GALK2: variants seen among roughly 807,000 people sequenced by gnomAD.
The protein encoded by GALK2 is galactokinase 2.
In GALK2, 36 loss-of-function variants were observed where a neutral mutation model predicts 52.4. That is an observed-to-expected ratio of 0.69 (90% CI 0.53 to 0.91). The LOEUF (loss-of-function observed/expected upper bound fraction) is 0.91, where lower values mean the gene tolerates loss of function less well. Ranked by LOEUF, GALK2 falls within the 40% of genes least tolerant of loss-of-function variation. GALK2 has a pLI of 0.00. For missense variants in GALK2, 579 were observed against 559.1 expected (o/e 1.04, Z -0.36); for synonymous variants, 176 against 199.1 (o/e 0.88, Z 0.98).
intron 3 of GALK2, among the ~76,000 whole-genome samples, chr15:49,341,972 T>C (rs1265338292): frequency 6.6e-6 from 1 of 152,206 alleles, no homozygotes; most frequent in African/African-American, 2.4e-5. Context: ...TATTAGAGCA[T>C]GTTCTGTGTG....
chr15:49,165,318 T>A (rs2084784258), upstream of GALK2, among the ~76,000 whole-genome samples: 1 of 152,332 alleles, frequency 6.6e-6, no homozygotes, highest in South Asian at 2.1e-4. Context: ...AATAACCCTA[T>A]GAAGTAGGTA....
chr15:49,244,601 A>G (rs2091258332), intron 5 of GALK2, among the ~76,000 whole-genome samples: 3 of 152,336 alleles, frequency 2.0e-5, no homozygotes, highest in Admixed American at 6.5e-5. Flanking sequence ...TTCAACATGT[A>G]AAGTGTAAAA....
intron 2 of GALK2, among the ~76,000 whole-genome samples, chr15:49,206,282 A>G (rs185995339): frequency 2.5e-4 from 38 of 151,664 alleles, no homozygotes; most frequent in Non-Finnish European, 2.1e-4. Flanking sequence ...TTTTTAGGGT[A>G]CATGTGCACA....
At chr15:49,166,381 T>C (rs1274517243), upstream of GALK2, among the ~76,000 whole-genome samples, 1 of 152,188 alleles carries the variant, frequency 6.6e-6, no homozygotes, top group Non-Finnish European at 1.5e-5. Context: ...TCTTTTGCCA[T>C]TTAATGATTA....
Position 49,228,687 on chromosome 15 carries a change from A to ATACATATAT in GALK2, c.267-7163_267-7162insACATATATT, listed in dbSNP as rs1555409061. ...TATATATATATATATATATATATAT[A>ATACATATAT]TTTTTTTTTTTTTTTTTTTTTTTTG... On this transcript the variant is annotated intron_variant, in intron 3 of 9. Transcript: ENST00000560031. 9.1e-4 allele frequency among the ~76,000 whole-genome samples: 13 copies of ATACATATAT among 14,274 alleles called. 4 individuals are homozygous for ATACATATAT. Among genetic ancestry groups the ATACATATAT allele is most frequent in the African/African-American group, 3.4e-3 (10 of 2,914 alleles). 9.4% of individuals were successfully genotyped at this position (14,274 alleles called of 152,430 possible). A position where few individuals can be genotyped will look rare whatever the true frequency, so the allele number is the denominator to read the frequency against.
At chr15:49,156,287 A>G (rs951779822) in intron 1 of GALK2, 2 of 472,870 alleles carry the variant, frequency 4.2e-6, no homozygotes, top group African/African-American at 4.0e-5. Context: ...TTTTTAAAAA[A>G]TACATTACTG....
At chr15:49,211,735 G>A (rs2088911523) in intron 2 of GALK2, among the ~76,000 whole-genome samples, 1 of 152,178 alleles carries the variant, frequency 6.6e-6, no homozygotes, top group Non-Finnish European at 1.5e-5. Flanking sequence ...GAGGACGAGA[G>A]GGAGGGGAAG....
At chr15:49,334,226 C>T, downstream of GALK2, 2 of 982,152 alleles carry the variant, frequency 2.0e-6, no homozygotes, top group Non-Finnish European at 2.4e-6. Context: ...ACCTATCAAG[C>T]TCCTTGTCAA....
At chr15:49,315,007 A>C (rs915798135) in intron 8 of GALK2, among the ~76,000 whole-genome samples, 3 of 152,268 alleles carry the variant, frequency 2.0e-5, no homozygotes, top group Non-Finnish European at 2.9e-5. Context: ...AATATAATTT[A>C]TTATACAAGC....
intron 5 of GALK2, among the ~76,000 whole-genome samples, chr15:49,264,303 G>A (rs1323405146): frequency 4.6e-5 from 7 of 151,660 alleles, no homozygotes; most frequent in South Asian, 2.1e-4. Context: ...CTCCCTTCTC[G>A]CTTCATTTCA....
chr15:49,358,021 T>C (rs1290921134), intron 3 of GALK2, among the ~76,000 whole-genome samples: 1 of 151,984 alleles, frequency 6.6e-6, no homozygotes, highest in Non-Finnish European at 1.5e-5. Flanking sequence ...GAAAAAGCCT[T>C]TGACAAAATT....
At chr15:49,312,148 A>C (rs1478884809) in intron 8 of GALK2, among the ~76,000 whole-genome samples, 1 of 152,026 alleles carries the variant, frequency 6.6e-6, no homozygotes, top group African/African-American at 2.4e-5. Context: ...GTGTGCATCT[A>C]TTTTAGCTGT....
chr15:49,322,960 T>TA (rs548865053), intron 9 of GALK2, among the ~76,000 whole-genome samples: 3,673 of 67,884 alleles, frequency 0.054, 100 homozygotes, highest in South Asian at 0.16. Flanking sequence ...CCATCTCAGG[T>TA]AAAAAAAAAA....
chr15:49,198,941 T>A (rs905764345), intron 1 of GALK2: 2 of 149,978 alleles, frequency 1.3e-5, no homozygotes, highest in Admixed American at 6.7e-5. Flanking sequence ...GTGCAGTGGC[T>A]ACTCGCAGGC....
At chr15:49,261,401 T>C (rs2092103010) in intron 5 of GALK2, among the ~76,000 whole-genome samples, 2 of 148,770 alleles carry the variant, frequency 1.3e-5, no homozygotes, top group Admixed American at 1.3e-4. Context: ...TGCTTGTGAT[T>C]TTTGTACATT....
At chr15:49,289,448 A>G (rs186361049) in intron 7 of GALK2, among the ~76,000 whole-genome samples, 2 of 152,366 alleles carry the variant, frequency 1.3e-5, no homozygotes, top group Admixed American at 6.5e-5. Context: ...TTTCTCTACC[A>G]TACCCTCTTA....
rs567820289 is a variant in GALK2 at position 49,325,794 on chromosome 15, G to A, written c.1170-2158G>A. 2.6e-4 allele frequency among the ~76,000 whole-genome samples: 39 copies of A among 152,304 alleles called. No homozygotes were observed. The Middle Eastern group carries it at 0.01, about 40-fold the overall frequency. ...TCCATTTTCATCTGTAGCAGGCAGG[G>A]TGGTGACAGAGCAGCTCTGGAGACT... is the stretch of plus-strand genomic sequence containing the variant. On this transcript the variant is annotated intron_variant, in intron 9 of 9. Transcript: ENST00000560031.
chr15:49,244,428 C>T (rs755255507), intron 5 of GALK2, among the ~76,000 whole-genome samples: 54 of 151,784 alleles, frequency 3.6e-4, no homozygotes, highest in Non-Finnish European at 5.7e-4. Flanking sequence ...GAGAAAAGAA[C>T]GGAAAGAAAT....
chr15:49,257,962 AAAAT>A, intron 5 of GALK2, among the ~76,000 whole-genome samples: 1 of 149,992 alleles, frequency 6.7e-6, no homozygotes, highest in South Asian at 2.1e-4. Flanking sequence ...TAATTATAAT[AAAAT>A]AACATTTTAT....
Sources: allele counts gnomAD v4.1 joint callset (sites outside exome capture counted in the v4.1 genomes callset), GRCh38; gene constraint gnomAD v4.1.1; transcripts MANE v1.5; gene names NCBI Gene and HGNC (gene_info 2026-07-23, HGNC 2026-07-21).